DIP2C: variants seen among roughly 807,000 people sequenced by gnomAD.
DIP2C encodes DIP2 acetate--CoA ligase C (putative), also known as disco-interacting protein 2 homolog C.
In DIP2C, 33 loss-of-function variants were observed where a neutral mutation model predicts 192.4. The observed-to-expected ratio is 0.17, with a 90% CI of 0.13 to 0.23. DIP2C has a LOEUF of 0.23. Ranked by LOEUF, DIP2C falls within the 10% of genes least tolerant of loss-of-function variation. The probability of loss-of-function intolerance (pLI) is 1.00; values close to 1 mark genes in which losing one functional copy is unlikely to be tolerated. For synonymous variants in DIP2C, 979 were observed against 864.1 expected (o/e 1.13, Z -2.33); for missense variants, 1,537 against 2,110.1 (o/e 0.73, Z 5.32).
At chr10:485,871 G>C (rs974800217) in intron 2 of DIP2C, among the ~76,000 whole-genome samples, 1 of 152,214 alleles carries the variant, frequency 6.6e-6, no homozygotes, top group Non-Finnish European at 1.5e-5. Context: ...TGAGGTGCTA[G>C]AATCCCCATC....
intron 4 of DIP2C, among the ~76,000 whole-genome samples, chr10:424,802 TAC>T (rs1327384313): frequency 4.6e-5 from 7 of 152,238 alleles, no homozygotes; most frequent in African/African-American, 1.7e-4. Flanking sequence ...CACAACTCTT[TAC>T]AATCTTTCAT....
intron 3 of DIP2C, among the ~76,000 whole-genome samples, chr10:445,926 C>T (rs1968152231): frequency 6.7e-6 from 1 of 150,210 alleles, no homozygotes; most frequent in East Asian, 2.0e-4. Context: ...GTTGTGAAGT[C>T]TCACAGGCCC....
intron 7 of DIP2C, 52 bp from the exon 8 acceptor site, chr10:414,162 T>C (rs752964294): frequency 6.5e-7 from 1 of 1,543,176 alleles, no homozygotes; most frequent in South Asian, 1.2e-5. Flanking sequence ...CACATTAGCA[T>C]GGCTACTTTT....
chr10:548,894 G>GA (rs1208756275), intron 1 of DIP2C, among the ~76,000 whole-genome samples: 1 of 33,358 alleles, frequency 3.0e-5, no homozygotes, highest in African/African-American at 8.1e-5. Flanking sequence ...TGCATTGCAG[G>GA]AAAAAATAGC....
chr10:279,985 C>T (rs1011177310), intron 36 of DIP2C, among the ~76,000 whole-genome samples: 1 of 152,234 alleles, frequency 6.6e-6, no homozygotes, highest in Non-Finnish European at 1.5e-5. Context: ...AAGGCTGTAA[C>T]TGATATTCGT....
chr10:376,325 A>G (rs1452685761), intron 17 of DIP2C, among the ~76,000 whole-genome samples: 1 of 152,072 alleles, frequency 6.6e-6, no homozygotes, highest in African/African-American at 2.4e-5. Flanking sequence ...AGAAGGACCC[A>G]GGCCCACCTC....
chr10:390,901 C>T, intron 10 of DIP2C, 38 bp from the exon 11 acceptor site: 3 of 1,608,050 alleles, frequency 1.9e-6, no homozygotes, highest in Non-Finnish European at 2.5e-6. Flanking sequence ...AATCCACGAC[C>T]TGCCCCACTC....
chr10:542,646 C>A (rs907352871), intron 1 of DIP2C, among the ~76,000 whole-genome samples: 1 of 152,232 alleles, frequency 6.6e-6, no homozygotes, highest in Non-Finnish European at 1.5e-5. Context: ...TACCACAGAT[C>A]ATCAGATCCC....
chr10:580,480 A>G (rs1016157544), intron 1 of DIP2C, among the ~76,000 whole-genome samples: 2 of 152,202 alleles, frequency 1.3e-5, no homozygotes, highest in African/African-American at 2.4e-5. Flanking sequence ...GTACAGATAC[A>G]TGTCCAAATA....
intron 35 of DIP2C, chr10:282,166 TG>T (rs1954866704): frequency 6.5e-6 from 1 of 152,718 alleles, no homozygotes; most frequent in Non-Finnish European, 1.5e-5. Context: ...CAAAGAAAGA[TG>T]GAGACATTGA....
At chr10:581,866 G>A (rs781389081) in intron 1 of DIP2C, among the ~76,000 whole-genome samples, 24 of 152,102 alleles carry the variant, frequency 1.6e-4, no homozygotes, top group Non-Finnish European at 2.9e-4. Context: ...CTTAGCACAT[G>A]TTAGGCCAGC....
At position 652,539 on chromosome 10, in the gene DIP2C, G is replaced by T. The variant is rs180767533; in HGVS notation, c.85+36955C>A. 1 of 154,404 alleles carries T rather than the reference G, an allele frequency of 6.5e-6. No individual in the cohort carries two copies. Among genetic ancestry groups the T allele is most frequent in the Non-Finnish European group, 1.4e-5 (1 of 69,314 alleles). 9.6% of individuals were successfully genotyped at this position (154,404 alleles called of 1,614,324 possible). A position where few individuals can be genotyped will look rare whatever the true frequency, so the allele number is the denominator to read the frequency against. On this transcript the variant is annotated intron_variant, in intron 1 of 36. Coordinates refer to ENST00000280886, the MANE Select transcript of DIP2C (RefSeq NM_014974.3). This position sits in a 1 kb window ranked among gnomAD's most constrained non-coding sequence, Gnocchi z 4.5. ...CCTGTCTCATCCGTGACCGAGAAACGGAGCTGCAGTGGGAGGCGGGACATG... is the reference window on the plus strand; with the variant it reads ...CCTGTCTCATCCGTGACCGAGAAACTGAGCTGCAGTGGGAGGCGGGACATG...
chr10:393,289 C>T (rs1336362336), intron 10 of DIP2C, among the ~76,000 whole-genome samples: 5 of 152,198 alleles, frequency 3.3e-5, no homozygotes, highest in Admixed American at 2.6e-4. Context: ...CTTAACTACA[C>T]GAATATGCTC....
intron 17 of DIP2C, among the ~76,000 whole-genome samples, chr10:370,511 G>A (rs544575464): frequency 5.5e-4 from 83 of 152,242 alleles, no homozygotes; most frequent in Middle Eastern, 6.8e-3. Flanking sequence ...CTACCTGTGC[G>A]ACCTCCTCCC....
intron 1 of DIP2C, among the ~76,000 whole-genome samples, chr10:569,596 TTC>T (rs1029380148): frequency 6.7e-6 from 1 of 150,028 alleles, no homozygotes; most frequent in Admixed American, 6.6e-5. Flanking sequence ...TTGTTTTATA[TTC>T]TTTTTTAAAA....
intron 1 of DIP2C, among the ~76,000 whole-genome samples, chr10:564,854 G>T (rs1849379697): frequency 6.6e-6 from 1 of 152,148 alleles, no homozygotes; most frequent in South Asian, 2.1e-4. Flanking sequence ...CAACAAATAT[G>T]TTCCCAACCT....
chr10:664,180 A>C (rs1337837060), intron 1 of DIP2C: 1 of 151,042 alleles, frequency 6.6e-6, no homozygotes, highest in Non-Finnish European at 1.5e-5. Flanking sequence ...CAAAGGATCC[A>C]GTGTTTTCAA....
In DIP2C at chr10:390,754, A is replaced by G; in HGVS notation, c.1370T>C (p.Ile457Thr). The part of the protein sequence containing the change: ...KGLPKSPTGE[I>T]PQFKGWPKLL... ...CGGTGGCTTACCTTTAAACTGTGGG[A>G]TCTCTCCCGTTGGGCTTTTTGGAAG... Residue 457 changes from isoleucine to threonine, a missense_variant, in exon 11 of 37, where the codon ATC becomes ACC. Around this residue, in one of 4 missense-constraint regions of DIP2C, gnomAD observed 677 missense variants for 989.9 expected, o/e 0.68. Transcript: ENST00000280886. 1 of 1,613,776 alleles carries G rather than the reference A, an allele frequency of 6.2e-7. No homozygotes were observed. The highest frequency in any genetic ancestry group is 8.5e-7 in the Non-Finnish European group (1 of 1,179,926).
At position 530,653 on chromosome 10, in the gene DIP2C, T is replaced by TTA. The variant is rs67526080; in HGVS notation, c.86-44124_86-44123insTA. 2.8e-5 allele frequency among the ~76,000 whole-genome samples: 3 copies of TTA among 106,090 alleles called. No individual in the cohort carries two copies. In the Admixed American group the frequency reaches 3.3e-4, roughly 12 times the overall value. 69.6% of individuals were successfully genotyped at this position (106,090 alleles called of 152,430 possible). A position where few individuals can be genotyped will look rare whatever the true frequency, so the allele number is the denominator to read the frequency against. On this transcript the variant is annotated intron_variant, in intron 1 of 36. Coordinates refer to ENST00000280886, the MANE Select transcript of DIP2C (RefSeq NM_014974.3). ...GGCAATACAGCAAGACCCTATCTCTTAAAAAAAAAAAAAAAAAAAAAGACT... is the reference window on the plus strand; with the variant it reads ...GGCAATACAGCAAGACCCTATCTCTTTAAAAAAAAAAAAAAAAAAAAAAGACT...
Sources: gnomAD v4.1 joint callset for allele counts (sites outside exome capture counted in the v4.1 genomes callset) on GRCh38, gnomAD v4.1.1 for gene constraint, gnomAD v4.1.1 regional missense constraint, Gnocchi (gnomAD v3.1) non-coding constraint, MANE v1.5 for transcripts, NCBI Gene and HGNC (gene_info 2026-07-23, HGNC 2026-07-21) for gene names.